Variants in NHSL2 observed in about 807,000 individuals in gnomAD.
NHSL2 encodes the protein NHS-like protein 2.
In NHSL2, 27 loss-of-function variants were observed where a neutral mutation model predicts 53.4. The observed-to-expected ratio is 0.51, with a 90% CI of 0.37 to 0.70. The LOEUF (loss-of-function observed/expected upper bound fraction) is 0.70, where lower values mean the gene tolerates loss of function less well. Ranked by LOEUF, NHSL2 falls within the 30% of genes least tolerant of loss-of-function variation. NHSL2 has a pLI of 0.00. For synonymous variants in NHSL2, 408 were observed against 404.1 expected (o/e 1.01, Z -0.12); for missense variants, 892 against 980.1 (o/e 0.91, Z 1.20).
chrX:71,913,463 C>T (rs770880827), intron 1 of NHSL2, among the ~76,000 whole-genome samples: 24 of 112,003 alleles, frequency 2.1e-4, no homozygotes, highest in Non-Finnish European at 4.0e-4. Context: ...AGATTTTGAC[C>T]GTAAGTAAGT....
intron 1 of NHSL2, among the ~76,000 whole-genome samples, chrX:71,935,726 A>G (rs2041735078): frequency 1.8e-5 from 2 of 112,377 alleles, no homozygotes; most frequent in Admixed American, 1.9e-4. Flanking sequence ...GCAGCCCTTC[A>G]GGCTGTGTGC....
chrX:71,946,701 T>A (rs915898242), intron 1 of NHSL2, among the ~76,000 whole-genome samples: 11 of 112,271 alleles, frequency 9.8e-5, no homozygotes, highest in African/African-American at 3.2e-4. Context: ...CAAGTCTTTT[T>A]AAAAGTTCCT....
At chrX:71,958,140 T>A (rs1165526869) in intron 1 of NHSL2, among the ~76,000 whole-genome samples, 1 of 110,834 alleles carries the variant, frequency 9.0e-6, no homozygotes, top group Non-Finnish European at 1.9e-5. Context: ...AGCAGCAGAC[T>A]TAGGGCCAGA....
chrX:72,084,947 GCGA>G (rs1227156258), intron 1 of NHSL2, among the ~76,000 whole-genome samples: 1 of 112,183 alleles, frequency 8.9e-6, no homozygotes, highest in Non-Finnish European at 1.9e-5. Context: ...TATCACCAGG[GCGA>G]CAGATATAAA....
intron 1 of NHSL2, among the ~76,000 whole-genome samples, chrX:72,063,404 A>G (rs767153569): frequency 1.8e-5 from 2 of 111,907 alleles, no homozygotes; most frequent in Non-Finnish European, 3.8e-5. Flanking sequence ...GGCAATTAAC[A>G]TACAAAAAAG....
At chrX:72,030,805 A>G (rs192322210) in intron 1 of NHSL2, among the ~76,000 whole-genome samples, 238 of 112,038 alleles carry the variant, frequency 2.1e-3, no homozygotes, top group Middle Eastern at 4.6e-3. Context: ...AAATTTAACA[A>G]TTGGCTCTGG....
intron 1 of NHSL2, among the ~76,000 whole-genome samples, chrX:72,016,172 G>C (rs1463826408): frequency 1.8e-5 from 2 of 112,397 alleles, no homozygotes; most frequent in Non-Finnish European, 3.8e-5. Context: ...GTATGAGGTA[G>C]GGATCTCATT....
At chrX:71,913,397 C>G (rs2041613526) in intron 1 of NHSL2, among the ~76,000 whole-genome samples, 1 of 112,014 alleles carries the variant, frequency 8.9e-6, no homozygotes, top group East Asian at 2.8e-4. Flanking sequence ...ACCATCTGGC[C>G]ACTCCCTTGT....
At chrX:72,136,727 C>G (rs1035805329) in intron 4 of NHSL2, among the ~76,000 whole-genome samples, 2 of 112,564 alleles carry the variant, frequency 1.8e-5, no homozygotes, top group African/African-American at 3.2e-5. Flanking sequence ...GGCTGTACCT[C>G]TGAATAATCA....
chrX:72,063,177 G>A (rs747241877), intron 1 of NHSL2, among the ~76,000 whole-genome samples: 1 of 111,594 alleles, frequency 9.0e-6, no homozygotes, highest in Non-Finnish European at 1.9e-5. Context: ...TTCTTACTGG[G>A]ATAGGGGCCA....
chrX:72,082,779 A>G (rs1385988852), intron 1 of NHSL2, among the ~76,000 whole-genome samples: 1 of 111,635 alleles, frequency 9.0e-6, no homozygotes, highest in Non-Finnish European at 1.9e-5. Flanking sequence ...CACACTGCCC[A>G]TCACACAGGC....
intron 1 of NHSL2, among the ~76,000 whole-genome samples, chrX:71,990,978 G>C (rs1375614953): frequency 1.8e-5 from 2 of 112,460 alleles, no homozygotes; most frequent in East Asian, 5.5e-4. Context: ...GTCAGGACCT[G>C]TTTGCTGAGG....
intron 1 of NHSL2, among the ~76,000 whole-genome samples, chrX:72,109,174 A>C (rs915598147): frequency 2.7e-5 from 3 of 112,005 alleles, no homozygotes; most frequent in African/African-American, 9.8e-5. Context: ...CCCCAAGCTT[A>C]TGGGCCCAGT....
At chrX:72,083,337 C>T (rs1039210510) in intron 1 of NHSL2, among the ~76,000 whole-genome samples, 2 of 113,028 alleles carry the variant, frequency 1.8e-5, no homozygotes, top group African/African-American at 3.2e-5. Context: ...AACTCCAAGG[C>T]GATTTTAATG....
chrX:72,134,819 C>T (rs1041580195), intron 4 of NHSL2, 115 bp downstream of exon 4: 31 of 560,284 alleles, frequency 5.5e-5, no homozygotes, highest in Non-Finnish European at 8.8e-5. Context: ...TACCGGCTCA[C>T]CTTGCGCTGT....
intron 4 of NHSL2, among the ~76,000 whole-genome samples, chrX:72,135,210 T>C (rs1472819243): frequency 8.9e-6 from 1 of 111,732 alleles, no homozygotes. Context: ...CAAGGTGGGC[T>C]TCTTCAACTT....
intron 1 of NHSL2, among the ~76,000 whole-genome samples, chrX:72,015,497 G>C (rs781621074): frequency 2.7e-5 from 3 of 112,221 alleles, no homozygotes; most frequent in Non-Finnish European, 5.6e-5. Context: ...TACACGTGCA[G>C]GAGTTTCTTC....
intron 1 of NHSL2, 54 bp downstream of exon 1, chrX:71,911,421 G>A: frequency 1.0e-6 from 1 of 977,487 alleles, no homozygotes; most frequent in Non-Finnish European, 1.3e-6. Flanking sequence ...GCCTCTAGGG[G>A]CGCCGGTCGG....
intron 1 of NHSL2, among the ~76,000 whole-genome samples, chrX:72,119,923 T>C (rs1377449613): frequency 8.9e-6 from 1 of 112,452 alleles, no homozygotes; most frequent in Admixed American, 9.4e-5. Flanking sequence ...AGTTCCCTTC[T>C]ATTCCTAGTT....
Sources: allele counts gnomAD v4.1 joint callset (sites outside exome capture counted in the v4.1 genomes callset), GRCh38; gene constraint gnomAD v4.1.1; transcripts MANE v1.5; gene names NCBI Gene and HGNC (gene_info 2026-07-23, HGNC 2026-07-21).